EXOC6: variants seen among roughly 807,000 people sequenced by gnomAD.
EXOC6 encodes the protein exocyst complex component 6.
A neutral mutation model predicts 112.5 loss-of-function variants in EXOC6; 60 were observed. That is an observed-to-expected ratio of 0.53 (90% confidence interval 0.43 to 0.66). The LOEUF is 0.66. Ranked by LOEUF, EXOC6 falls within the 30% of genes least tolerant of loss-of-function variation. The probability of loss-of-function intolerance (pLI) is 0.00; values close to 1 mark genes in which losing one functional copy is unlikely to be tolerated. For synonymous variants in EXOC6, 295 were observed against 308.0 expected (o/e 0.96, Z 0.44); for missense variants, 855 against 957.1 (o/e 0.89, Z 1.41).
At chr10:92,863,960 A>AC in intron 1 of EXOC6, among the ~76,000 whole-genome samples, 1 of 151,626 alleles carries the variant, frequency 6.6e-6, no homozygotes, top group East Asian at 1.9e-4. Context: ...AAGAAAAAAA[A>AC]CCCAAAAAAT....
chr10:92,952,435 A>G (rs1853473839), intron 15 of EXOC6, 53 bp downstream of exon 15: 3 of 1,116,502 alleles, frequency 2.7e-6, no homozygotes, highest in Non-Finnish European at 4.0e-6. Flanking sequence ...TGAAACATTA[A>G]TACTTTATTT....
At chr10:92,862,648 C>A (rs151189604) in intron 1 of EXOC6, among the ~76,000 whole-genome samples, 87 of 152,270 alleles carry the variant, frequency 5.7e-4, no homozygotes, top group Middle Eastern at 3.4e-3. Context: ...TTAGTTATAG[C>A]AGTCCATATG....
Position 92,958,656 on chromosome 10 carries a change from A to G in EXOC6, c.1773+2942A>G, listed in dbSNP as rs1335034514. Among the ~76,000 whole-genome samples, 8 of 152,218 alleles carry G rather than the reference A, an allele frequency of 5.3e-5. 1 individual carries two copies. The stretch of plus-strand genomic sequence containing the variant: ...CTACAGATTTAATGTATTCCCCATT[A>G]ATATCCAAGCAAGTTTTTCTATGGA... On this transcript the variant is annotated intron_variant, in intron 17 of 21. Coordinates refer to ENST00000260762, the MANE Select transcript of EXOC6 (RefSeq NM_019053.6).
chr10:92,887,089 C>T (rs1191178628), intron 1 of EXOC6, among the ~76,000 whole-genome samples: 1 of 152,180 alleles, frequency 6.6e-6, no homozygotes, highest in Non-Finnish European at 1.5e-5. Flanking sequence ...CTTCCACTAT[C>T]TTTCCAAATT....
At chr10:93,014,144 G>A (rs1832303546) in intron 19 of EXOC6, 50 bp from the exon 20 acceptor site, 1 of 1,345,390 alleles carries the variant, frequency 7.4e-7, no homozygotes, top group Non-Finnish European at 1.1e-6. Context: ...TTAAACTCTT[G>A]TATATTTTGT....
chr10:93,021,258 A>T (rs1445641439), intron 20 of EXOC6, among the ~76,000 whole-genome samples: 1 of 152,034 alleles, frequency 6.6e-6, no homozygotes, highest in African/African-American at 2.4e-5. Flanking sequence ...AGGTAGGAGG[A>T]TCACTTGAAG....
intron 4 of EXOC6, among the ~76,000 whole-genome samples, chr10:92,898,591 A>G (rs1267486694): frequency 6.6e-6 from 1 of 152,128 alleles, no homozygotes; most frequent in African/African-American, 2.4e-5. Flanking sequence ...GAAAGTTTAT[A>G]CTTATTGCAG....
At chr10:93,013,421 C>T (rs1215600462) in intron 19 of EXOC6, among the ~76,000 whole-genome samples, 1 of 151,950 alleles carries the variant, frequency 6.6e-6, no homozygotes, top group Non-Finnish European at 1.5e-5. Flanking sequence ...GCCTGGGCAA[C>T]ATGGTGAAAC....
chr10:92,828,320 A>ACAAGATATT, intron 1 of EXOC6, among the ~76,000 whole-genome samples: 1 of 152,270 alleles, frequency 6.6e-6, no homozygotes, highest in African/African-American at 2.4e-5. Flanking sequence ...TAGTCAGCAA[A>ACAAGATATT]CAAGATATTA....
chr10:92,960,347 G>A (rs1300036424), intron 17 of EXOC6, among the ~76,000 whole-genome samples: 1 of 152,162 alleles, frequency 6.6e-6, no homozygotes, highest in African/African-American at 2.4e-5. Flanking sequence ...GTAGCCAGGA[G>A]TGAGGGAGTG....
At chr10:92,892,005 A>G (rs1181124969) in intron 1 of EXOC6, among the ~76,000 whole-genome samples, 1 of 152,238 alleles carries the variant, frequency 6.6e-6, no homozygotes, top group African/African-American at 2.4e-5. Flanking sequence ...CCTGTCCTGC[A>G]GATGAAAAGA....
At chr10:92,883,713 A>T (rs984219440) in intron 1 of EXOC6, among the ~76,000 whole-genome samples, 1 of 152,170 alleles carries the variant, frequency 6.6e-6, no homozygotes, top group Non-Finnish European at 1.5e-5. Flanking sequence ...TGTGAAAGCA[A>T]TTTTTTATTG....
At chr10:92,980,035 T>C (rs1419136293) in intron 18 of EXOC6, among the ~76,000 whole-genome samples, 3 of 152,150 alleles carry the variant, frequency 2.0e-5, no homozygotes, top group Non-Finnish European at 2.9e-5. Context: ...TAAATAGTAT[T>C]GATAGAAATA....
chr10:92,918,334 A>C (rs1851227059), intron 7 of EXOC6, among the ~76,000 whole-genome samples: 6 of 151,930 alleles, frequency 3.9e-5, no homozygotes, highest in Admixed American at 3.9e-4. Flanking sequence ...TGCAGTAAGA[A>C]TTTTTAGTTG....
At chr10:92,957,403 A>C (rs1176517397) in intron 17 of EXOC6, among the ~76,000 whole-genome samples, 2 of 152,196 alleles carry the variant, frequency 1.3e-5, no homozygotes, top group Non-Finnish European at 2.9e-5. Flanking sequence ...ACTGGAACAC[A>C]ATGTTCTTAG....
chr10:92,916,698 A>G (rs1851111777), intron 7 of EXOC6, among the ~76,000 whole-genome samples: 1 of 152,204 alleles, frequency 6.6e-6, no homozygotes, highest in Non-Finnish European at 1.5e-5. Context: ...TTCTGCAGAC[A>G]TGCCAGAGAC....
At position 92,896,079 on chromosome 10, in the gene EXOC6, A is replaced by G. The variant is rs868213397; in HGVS notation, c.412+1059A>G. Among the ~76,000 whole-genome samples the G allele has an allele frequency of 6.0e-4, 39 of 65,482 alleles. 1 individual carries two copies. The highest frequency in any genetic ancestry group is 3.7e-3 in the East Asian group (2 of 534). 43.0% of individuals were successfully genotyped at this position (65,482 alleles called of 152,430 possible). On this transcript the variant is annotated intron_variant, in intron 4 of 21. Coordinates refer to ENST00000260762, the MANE Select transcript of EXOC6 (RefSeq NM_019053.6). ...TATGTGTATATATATGTGTATATATATGTGTATATATATATGTGTGTATAT... is the reference window on the plus strand; with the variant it reads ...TATGTGTATATATATGTGTATATATGTGTGTATATATATATGTGTGTATAT...
At chr10:92,952,451 C>A in intron 15 of EXOC6, 69 bp downstream of exon 15, 1 of 1,005,888 alleles carries the variant, frequency 9.9e-7, no homozygotes, top group Non-Finnish European at 1.5e-6. Context: ...TATTTTTATG[C>A]CATAACTTTT....
Position 92,926,062 on chromosome 10 carries a change from A to AC in EXOC6, c.889-2277_889-2276insC, listed in dbSNP as rs987176840. Among the ~76,000 whole-genome samples the AC allele has an allele frequency of 4.0e-5, 6 of 151,738 alleles. No homozygotes were observed. In the East Asian group the frequency reaches 5.8e-4, roughly 15 times the overall value. On this transcript the variant is annotated intron_variant, in intron 8 of 21. Coordinates refer to ENST00000260762, the MANE Select transcript of EXOC6 (RefSeq NM_019053.6). ...TTAGGGTGGACTTTTTAAAAAAAAAAAAAAACAAATGCCCTAAGTCTGCAG... is the reference window on the plus strand; with the variant it reads ...TTAGGGTGGACTTTTTAAAAAAAAAACAAAAACAAATGCCCTAAGTCTGCAG...
Sources: gnomAD v4.1 joint callset for allele counts (sites outside exome capture counted in the v4.1 genomes callset) on GRCh38, gnomAD v4.1.1 for gene constraint, MANE v1.5 for transcripts, NCBI Gene and HGNC (gene_info 2026-07-23, HGNC 2026-07-21) for gene names.